Variants in OR51B5 observed in about 807,000 individuals in gnomAD.
OR51B5 encodes olfactory receptor 51B5.
For missense variants in OR51B5, 456 were observed against 374.6 expected, an observed-to-expected ratio of 1.22 and a Z score of -1.79; for synonymous variants, 186 against 144.8, an observed-to-expected ratio of 1.28 and a Z score of -2.04.
chr11:5,489,224 G>A (rs773404647), intron 1 of OR51B5: 1 of 1,613,892 alleles, frequency 6.2e-7, no homozygotes, highest in Admixed American at 1.7e-5. Context: ...CCCTACTGTG[G>A]TCACCGTGTC....
intron 1 of OR51B5, among the ~76,000 whole-genome samples, chr11:5,444,536 G>A (rs181390503): frequency 2.0e-5 from 3 of 152,188 alleles, no homozygotes; most frequent in African/African-American, 7.2e-5. Flanking sequence ...TGGAATTTTG[G>A]CAAAAGTGTT....
At chr11:5,494,867 A>C (rs1851626054) in intron 1 of OR51B5, among the ~76,000 whole-genome samples, 1 of 152,166 alleles carries the variant, frequency 6.6e-6, no homozygotes, top group Non-Finnish European at 1.5e-5. Flanking sequence ...TGGTAACTGG[A>C]TTGAGAAACA....
chr11:5,448,974 C>A (rs1850807436), intron 1 of OR51B5, among the ~76,000 whole-genome samples: 2 of 152,170 alleles, frequency 1.3e-5, no homozygotes, highest in Non-Finnish European at 2.9e-5. Context: ...TTTAAAGAGA[C>A]AAGAAGAGTA....
intron 1 of OR51B5, among the ~76,000 whole-genome samples, chr11:5,451,891 C>T (rs557438537): frequency 2.0e-5 from 3 of 152,214 alleles, no homozygotes; most frequent in South Asian, 2.1e-4. Flanking sequence ...TCCTCATCCA[C>T]GATGAGGCAA....
intron 1 of OR51B5, among the ~76,000 whole-genome samples, chr11:5,385,185 C>G (rs1849667761): frequency 6.6e-6 from 1 of 152,178 alleles, no homozygotes; most frequent in Non-Finnish European, 1.5e-5. Context: ...TAACTGACTG[C>G]TCTGAGTGGA....
chr11:5,422,165 G>C (rs1010323716), intron 1 of OR51B5: 1 of 1,447,248 alleles, frequency 6.9e-7, no homozygotes, highest in Middle Eastern at 1.8e-4. Context: ...TTCTCCCTGA[G>C]TGAAGATCCT....
chr11:5,491,280 G>A (rs547592805), intron 1 of OR51B5, among the ~76,000 whole-genome samples: 149 of 152,320 alleles, frequency 9.8e-4, no homozygotes, highest in African/African-American at 3.5e-3. Context: ...TCATGACGAA[G>A]AGTATTTTTA....
intron 1 of OR51B5, among the ~76,000 whole-genome samples, chr11:5,401,907 TTC>T (rs35158872): frequency 0.16 from 23,824 of 149,584 alleles, 2,416 homozygotes; most frequent in African/African-American, 0.29. Flanking sequence ...TTCCTTTTCT[TTC>T]TCTCTCTCTC....
intron 1 of OR51B5, among the ~76,000 whole-genome samples, chr11:5,415,403 G>C (rs1253062992): frequency 6.6e-6 from 1 of 151,214 alleles, no homozygotes; most frequent in Non-Finnish European, 1.5e-5. Context: ...AAAGCTAGCA[G>C]AAGGCAAGAA....
At position 5,460,539 on chromosome 11, in the gene OR51B5, G is replaced by C. The variant is rs542005170; in HGVS notation, n.84+45030C>G. On this transcript the variant is annotated intron_variant and non_coding_transcript_variant, in intron 1 of 4. Transcript: ENST00000415970. ...TTTCAACCTTCTTCAGTATCTCATTGAGCTTCCTTGCCATCAGATTCTGAA... is the reference window on the plus strand; with the variant it reads ...TTTCAACCTTCTTCAGTATCTCATTCAGCTTCCTTGCCATCAGATTCTGAA... Among the ~76,000 whole-genome samples the C allele has an allele frequency of 9.9e-5, 15 of 152,114 alleles. No homozygotes were observed. The South Asian group carries it at 2.7e-3, about 27-fold the overall frequency.
At chr11:5,486,862 A>G (rs1163733661) in intron 1 of OR51B5, among the ~76,000 whole-genome samples, 1 of 152,072 alleles carries the variant, frequency 6.6e-6, no homozygotes, top group Non-Finnish European at 1.5e-5. Context: ...TTACAGTCCT[A>G]GGTGCTCTGT....
intron 1 of OR51B5, among the ~76,000 whole-genome samples, chr11:5,443,642 G>C (rs1035107421): frequency 1.3e-5 from 2 of 152,074 alleles, no homozygotes; most frequent in Non-Finnish European, 1.5e-5. Flanking sequence ...AATTGAGGTA[G>C]TCTAGAAAGT....
Position 5,343,498 on chromosome 11 carries a change from G to A in OR51B5, c.27C>T (p.Pro9=), listed in dbSNP as rs199973004. ...AGCCTGGAAAACCAGTCAATAGGAAGGGATGGGAGCTGCCGCTGGACGACA... is the reference window on the plus strand; with the variant it reads ...AGCCTGGAAAACCAGTCAATAGGAAAGGATGGGAGCTGCCGCTGGACGACA... Residue 9 remains proline (P), a synonymous_variant, in exon 1 of 1, where the codon CCC becomes CCT. Transcript: ENST00000300773. 10 of 1,204,566 alleles carry A rather than the reference G, an allele frequency of 8.3e-6. No homozygotes were observed. In the East Asian group the frequency reaches 1.9e-4, roughly 22 times the overall value. 74.6% of individuals were successfully genotyped at this position (1,204,566 alleles called of 1,614,324 possible).
intron 1 of OR51B5, among the ~76,000 whole-genome samples, chr11:5,478,321 T>C (rs1179064604): frequency 6.6e-6 from 1 of 151,020 alleles, no homozygotes; most frequent in Non-Finnish European, 1.5e-5. Flanking sequence ...GAAGGAAAAC[T>C]AACAAACAGA....
chr11:5,439,102 C>A (rs1380299847), intron 1 of OR51B5, among the ~76,000 whole-genome samples: 1 of 98,204 alleles, frequency 1.0e-5, no homozygotes, highest in Admixed American at 1.1e-4. Flanking sequence ...CTCTCGTCCT[C>A]TCTCTCTCTC....
At chr11:5,481,613 C>T (rs10838194) in intron 1 of OR51B5, among the ~76,000 whole-genome samples, 46,891 of 144,002 alleles carry the variant, frequency 0.33, 8,352 homozygotes, top group East Asian at 0.54. Context: ...GAAAACCCCA[C>T]TGTCTCAGCC....
chr11:5,454,476 C>G (rs765851103), intron 1 of OR51B5: 2 of 1,397,064 alleles, frequency 1.4e-6, no homozygotes, highest in Admixed American at 3.6e-5. Flanking sequence ...AGGCTCTCAT[C>G]AGTAGCATCG....
At chr11:5,378,545 T>C (rs1849563456) in intron 1 of OR51B5, among the ~76,000 whole-genome samples, 1 of 151,754 alleles carries the variant, frequency 6.6e-6, no homozygotes, top group South Asian at 2.1e-4. Context: ...TGGGAGAAAA[T>C]TTTCACAACC....
intron 1 of OR51B5, among the ~76,000 whole-genome samples, chr11:5,428,102 TTAAAC>T (rs561884881): frequency 4.0e-3 from 523 of 130,420 alleles, no homozygotes; most frequent in African/African-American, 0.015. Context: ...ACAATTTACT[TTAAAC>T]TAAGTATATT....
Sources: allele counts gnomAD v4.1 joint callset (sites outside exome capture counted in the v4.1 genomes callset), GRCh38; gene constraint gnomAD v4.1.1; transcripts MANE v1.5; gene names NCBI Gene and HGNC (gene_info 2026-07-23, HGNC 2026-07-21).